The following MAST4 variants were observed in gnomAD, a reference collection of about 807,000 sequenced individuals.
MAST4 encodes microtubule-associated serine/threonine-protein kinase 4.
A neutral mutation model predicts 162.7 loss-of-function variants in MAST4; 89 were observed. That is an observed-to-expected ratio of 0.55 (90% CI 0.46 to 0.65). The LOEUF is 0.65. Among genes scored for constraint, MAST4 ranks in the 30% least tolerant of loss-of-function variants. The pLI is 0.00. For missense variants in MAST4, 3,153 were observed against 3,374.0 expected, an observed-to-expected ratio of 0.93 and a Z score of 1.62; for synonymous variants, 1,479 against 1,361.1, an observed-to-expected ratio of 1.09 and a Z score of -1.91.
At chr5:66,981,935 T>C (rs1748899060) in intron 4 of MAST4, among the ~76,000 whole-genome samples, 1 of 152,246 alleles carries the variant, frequency 6.6e-6, no homozygotes, top group African/African-American at 2.4e-5. Context: ...AGATCATTCT[T>C]ACTCTTTGTT....
chr5:66,770,218 A>G (rs919286589), intron 2 of MAST4, among the ~76,000 whole-genome samples: 50 of 152,192 alleles, frequency 3.3e-4, no homozygotes, highest in African/African-American at 1.2e-3. Context: ...TACTGCTCCT[A>G]TGACAGTTTA....
Position 67,166,957 on chromosome 5 carries a change from G to T in MAST4, c.7778G>T (p.Arg2593Leu). 4.3e-6 allele frequency: 7 copies of T among 1,612,430 alleles called. No homozygotes were observed. Among genetic ancestry groups the T allele is most frequent in the Non-Finnish European group, 5.9e-6 (7 of 1,179,620 alleles). ...CCATCCCCAGCCCCAAACACTGACC[G>T]CCCCATCTCTCTTTCTAATGAGAAG... Reference protein sequence around the residue: ...TKPSPAPNTDRPISLSNEKDF... With the variant: ...TKPSPAPNTDLPISLSNEKDF... The change falls in exon 29 of 29, where the codon CGC becomes CTC. Residue 2593 changes from arginine (R) to leucine (L), a missense_variant. By Grantham distance (102) the Arg-to-Leu change is moderately radical (BLOSUM62 -2). Coordinates refer to ENST00000403625, the MANE Select transcript of MAST4 (RefSeq NM_001164664.2).
intron 4 of MAST4, among the ~76,000 whole-genome samples, chr5:66,937,784 C>T (rs191754278): frequency 6.6e-6 from 1 of 152,138 alleles, no homozygotes; most frequent in Admixed American, 6.5e-5. Context: ...AAGTGTCATC[C>T]TGTGGCATCT....
chr5:66,912,003 G>T (rs1473337973), intron 4 of MAST4, among the ~76,000 whole-genome samples: 2 of 152,142 alleles, frequency 1.3e-5, no homozygotes, highest in African/African-American at 4.8e-5. Flanking sequence ...GTCTTTTATT[G>T]TTATTGGGGG....
rs1743014202 is a variant in MAST4, at chr5:66,608,069, T to TGG, written c.363+11051_363+11052insGG. 2.9e-4 allele frequency among the ~76,000 whole-genome samples: 37 copies of TGG among 125,924 alleles called. 1 individual carries two copies. In the South Asian group the frequency reaches 9.7e-3, roughly 33 times the overall value. The allele number at this position is 125,924 out of a possible 152,430, so 82.6% of individuals were successfully genotyped here. ...TCACATGCTTACTTTTTTTTTTTGTTTTTTTTTTTTGAGACAGAGTCTCTG... is the reference window on the plus strand; with the variant it reads ...TCACATGCTTACTTTTTTTTTTTGTTGGTTTTTTTTTTGAGACAGAGTCTCTG... On this transcript the variant is annotated intron_variant, in intron 1 of 28. Coordinates refer to ENST00000403625, the MANE Select transcript of MAST4 (RefSeq NM_001164664.2).
intron 1 of MAST4, among the ~76,000 whole-genome samples, chr5:66,644,979 G>A (rs1256713595): frequency 6.6e-6 from 1 of 151,856 alleles, no homozygotes; most frequent in Non-Finnish European, 1.5e-5. Flanking sequence ...GATTAGAGGT[G>A]GGGTCAGTGG....
In MAST4 at chr5:67,110,119, G is replaced by A. The variant is rs1217426016; in HGVS notation, c.1378G>A (p.Gly460Arg). 3 of 1,613,434 alleles carry A rather than the reference G, an allele frequency of 1.9e-6. No homozygotes were observed. In the South Asian group the frequency reaches 3.3e-5, roughly 18 times the overall value. The change falls in exon 11 of 29, where the codon GGA (glycine) becomes AGA (arginine). Residue 460 changes from glycine (G) to arginine (R), a missense_variant. Physicochemically the swap from Gly to Arg is moderately radical, Grantham distance 125. Around this residue, in one of 7 missense-constraint regions of MAST4, gnomAD observed 360 missense variants for 450.0 expected, o/e 0.80. Coordinates refer to ENST00000403625, the MANE Select transcript of MAST4 (RefSeq NM_001164664.2). ...ATAGGCTCATGATCGTTCAGAAAGT[G>A]GAGAATTGGCATTTATTAAACAACT... ...LQEAHDRSES[G>R]ELAFIKQLVR...
At chr5:66,932,538 T>C (rs1742296081) in intron 4 of MAST4, among the ~76,000 whole-genome samples, 2 of 152,206 alleles carry the variant, frequency 1.3e-5, no homozygotes, top group South Asian at 4.1e-4. Context: ...GTTGAAATTG[T>C]GCTTATGCTT....
At chr5:66,917,370 A>C (rs1260802864) in intron 4 of MAST4, 3 of 200,878 alleles carry the variant, frequency 1.5e-5, no homozygotes, top group Non-Finnish European at 3.0e-5. Flanking sequence ...ATGTCTTTGC[A>C]GTTTTTATCT....
chr5:66,602,093 A>T (rs1742592616), intron 1 of MAST4, among the ~76,000 whole-genome samples: 1 of 152,216 alleles, frequency 6.6e-6, no homozygotes, highest in African/African-American at 2.4e-5. Flanking sequence ...TGTTGAAGAG[A>T]ACATCTTAGT....
chr5:67,166,627 C>G lies in MAST4; in HGVS notation c.7448C>G (p.Ser2483Cys). ...REASAASSDT[S>C]SAKAAGGMLE... Reference sequence around the variant, plus strand: ...GCCTCTGCAGCCAGCAGCGACACCTCTTCTGCCAAGGCCGCCGGGGGCATG... The same window carrying G: ...GCCTCTGCAGCCAGCAGCGACACCTGTTCTGCCAAGGCCGCCGGGGGCATG... The change falls in exon 29 of 29, where the codon TCT becomes TGT. Residue 2483 changes from serine (S) to cysteine (C), a missense_variant. This residue lies in a region of MAST4 where 1,644 missense variants were observed against 1,495.0 expected (regional missense o/e 1.10). Coordinates refer to ENST00000403625, the MANE Select transcript of MAST4 (RefSeq NM_001164664.2). 1 of 1,601,772 alleles carries G rather than the reference C, an allele frequency of 6.2e-7. No individual in the cohort carries two copies. The highest frequency in any genetic ancestry group is 2.3e-5 in the East Asian group (1 of 44,258).
At chr5:67,113,975 G>A (rs1766576282) in intron 11 of MAST4, 112 bp from the exon 12 acceptor site, 2 of 1,190,572 alleles carry the variant, frequency 1.7e-6, no homozygotes, top group Non-Finnish European at 2.4e-6. Flanking sequence ...TTCTGCATAA[G>A]TAACTTACAG....
chr5:66,776,611 C>T (rs188309684), intron 2 of MAST4, among the ~76,000 whole-genome samples: 249 of 152,234 alleles, frequency 1.6e-3, no homozygotes, highest in African/African-American at 5.5e-3. Context: ...AAATATTCTT[C>T]TAGGCAGTGT....
At chr5:66,997,933 C>T (rs913559034) in intron 4 of MAST4, among the ~76,000 whole-genome samples, 4 of 152,212 alleles carry the variant, frequency 2.6e-5, no homozygotes, top group Admixed American at 6.5e-5. Flanking sequence ...TGGAATTGAT[C>T]TTAGCAATGG....
At chr5:67,011,260 C>T (rs772216153) in intron 4 of MAST4, among the ~76,000 whole-genome samples, 2 of 152,106 alleles carry the variant, frequency 1.3e-5, no homozygotes, top group Non-Finnish European at 2.9e-5. Flanking sequence ...CCACAGGAGA[C>T]TGAAGCCTGG....
intron 5 of MAST4, among the ~76,000 whole-genome samples, chr5:67,078,772 A>G (rs866131350): frequency 2.3e-5 from 3 of 128,198 alleles, no homozygotes; most frequent in African/African-American, 9.1e-5. Flanking sequence ...CTAAATATAT[A>G]TATTTATTTA....
At chr5:66,815,257 C>T (rs1756661916) in intron 3 of MAST4, among the ~76,000 whole-genome samples, 1 of 152,168 alleles carries the variant, frequency 6.6e-6, no homozygotes, top group Non-Finnish European at 1.5e-5. Context: ...ATTTCTTAAT[C>T]CAAGTATCCC....
chr5:66,800,173 A>T (rs995652549), intron 3 of MAST4, among the ~76,000 whole-genome samples: 1 of 152,350 alleles, frequency 6.6e-6, no homozygotes, highest in East Asian at 1.9e-4. Context: ...TTTCTGCAGG[A>T]TAACTTGTCA....
chr5:67,081,941 G>T (rs1291946656), intron 5 of MAST4, among the ~76,000 whole-genome samples: 2 of 152,082 alleles, frequency 1.3e-5, no homozygotes, highest in Non-Finnish European at 2.9e-5. Flanking sequence ...TGAGGAACTG[G>T]TGGACACCAC....
Sources: gnomAD v4.1 joint callset for allele counts (sites outside exome capture counted in the v4.1 genomes callset) on GRCh38, gnomAD v4.1.1 for gene constraint, gnomAD v4.1.1 regional missense constraint, MANE v1.5 for transcripts, NCBI Gene and HGNC (gene_info 2026-07-23, HGNC 2026-07-21) for gene names.